The following DSCAM variants were observed in gnomAD, a reference collection of about 807,000 sequenced individuals.
DSCAM encodes the protein DS cell adhesion molecule, also known as cell adhesion molecule DSCAM.
Under a neutral mutation model 217.7 loss-of-function variants are expected in DSCAM, and 47 were observed. That is an observed-to-expected ratio of 0.22 (90% CI 0.17 to 0.28). The LOEUF (loss-of-function observed/expected upper bound fraction) is 0.28, where lower values mean the gene tolerates loss of function less well. DSCAM is among the 10% of genes least tolerant of loss of function. The pLI, the probability that DSCAM is intolerant of heterozygous loss-of-function variation, is 1.00. For synonymous variants in DSCAM, 1,056 were observed against 1,015.3 expected (o/e 1.04, Z -0.76); for missense variants, 2,080 against 2,618.3 (o/e 0.79, Z 4.49).
At chr21:40,050,221 A>G (rs1274383762) in intron 30 of DSCAM, among the ~76,000 whole-genome samples, 1 of 152,198 alleles carries the variant, frequency 6.6e-6, no homozygotes, top group Non-Finnish European at 1.5e-5. Flanking sequence ...ATTCTGATGC[A>G]TGTAAAGGTG....
In DSCAM at chr21:40,805,584, C is replaced by A. The variant is rs529458603; in HGVS notation, c.43+41035G>T. 3.9e-5 allele frequency among the ~76,000 whole-genome samples: 6 copies of A among 152,354 alleles called. No homozygotes were observed. In the South Asian group the frequency reaches 1.2e-3, roughly 32 times the overall value. ...GGAATTACGCCATGACCCCTTGACC[C>A]CTCCAGGCCTAAGGATGGTGGCAAG... On this transcript the variant is annotated intron_variant, in intron 1 of 32. Transcript: ENST00000400454.
chr21:40,696,851 TA>T (rs1363907875), intron 2 of DSCAM, among the ~76,000 whole-genome samples: 1 of 152,192 alleles, frequency 6.6e-6, no homozygotes, highest in Non-Finnish European at 1.5e-5. Context: ...ATAAAATGTA[TA>T]ATCATAAAAT....
chr21:40,279,244 C>A (rs1250206493), intron 10 of DSCAM, among the ~76,000 whole-genome samples: 1 of 152,210 alleles, frequency 6.6e-6, no homozygotes, highest in African/African-American at 2.4e-5. Context: ...ATCCCTAAAT[C>A]TGCTCCCTCC....
chr21:40,637,632 A>ATCT (rs1555875012), intron 3 of DSCAM, among the ~76,000 whole-genome samples: 1,409 of 42,196 alleles, frequency 0.033, 60 homozygotes, highest in Middle Eastern at 0.059. Flanking sequence ...TACATATATA[A>ATCT]ATATATATAA....
chr21:40,533,587 A>G (rs1283403863), intron 3 of DSCAM, among the ~76,000 whole-genome samples: 1 of 141,644 alleles, frequency 7.1e-6, no homozygotes, highest in Non-Finnish European at 1.5e-5. Flanking sequence ...CCATCCAACC[A>G]TCCATCCACC....
At chr21:40,123,967 T>C (rs1230186078) in intron 20 of DSCAM, among the ~76,000 whole-genome samples, 1 of 152,090 alleles carries the variant, frequency 6.6e-6, no homozygotes, top group Non-Finnish European at 1.5e-5. Context: ...ACTCACCAAA[T>C]AAACAATAAT....
chr21:40,351,947 T>C (rs745615300), intron 5 of DSCAM, among the ~76,000 whole-genome samples: 12 of 152,126 alleles, frequency 7.9e-5, no homozygotes, highest in Admixed American at 1.3e-4. Context: ...ACATAAGTAA[T>C]GTGACTTGCA....
At chr21:40,707,706 A>G (rs1185221850) in intron 2 of DSCAM, among the ~76,000 whole-genome samples, 1 of 152,246 alleles carries the variant, frequency 6.6e-6, no homozygotes, top group African/African-American at 2.4e-5. Context: ...ACTTAAAAAA[A>G]TTAAAATGCT....
intron 3 of DSCAM, among the ~76,000 whole-genome samples, chr21:40,388,710 A>T (rs557448248): frequency 6.6e-6 from 1 of 152,304 alleles, no homozygotes; most frequent in East Asian, 1.9e-4. Context: ...AGCACTGCAA[A>T]CTTCACATTC....
intron 1 of DSCAM, among the ~76,000 whole-genome samples, chr21:40,733,593 C>A (rs942397351): frequency 6.6e-6 from 1 of 152,182 alleles, no homozygotes; most frequent in Non-Finnish European, 1.5e-5. Flanking sequence ...AGAAACCTTG[C>A]CTCTGAGCAT....
intron 2 of DSCAM, among the ~76,000 whole-genome samples, chr21:40,705,554 A>G (rs1015057461): frequency 6.6e-6 from 1 of 152,182 alleles, no homozygotes; most frequent in Non-Finnish European, 1.5e-5. Context: ...CAATCATGGC[A>G]TAAGGCACCT....
chr21:40,514,564 C>T (rs904634072), intron 3 of DSCAM, among the ~76,000 whole-genome samples: 4 of 152,156 alleles, frequency 2.6e-5, no homozygotes, highest in African/African-American at 9.7e-5. Context: ...AGACTATTCA[C>T]GTTGCACCAG....
intron 3 of DSCAM, among the ~76,000 whole-genome samples, chr21:40,541,732 GTAA>G (rs2076544341): frequency 6.6e-6 from 1 of 152,188 alleles, no homozygotes; most frequent in Admixed American, 6.5e-5. Flanking sequence ...CTTTAATAAA[GTAA>G]TAATATTATA....
chr21:40,483,157 A>G (rs1003008937), intron 3 of DSCAM, among the ~76,000 whole-genome samples: 3 of 152,246 alleles, frequency 2.0e-5, no homozygotes, highest in Admixed American at 6.5e-5. Context: ...ATTTAATGGG[A>G]AAAGTAAACA....
chr21:40,690,958 G>T (rs551559276), intron 3 of DSCAM, among the ~76,000 whole-genome samples: 3 of 152,138 alleles, frequency 2.0e-5, no homozygotes, highest in African/African-American at 7.2e-5. Context: ...GAAGGAAGAG[G>T]ATCAGGAAAA....
intron 3 of DSCAM, among the ~76,000 whole-genome samples, chr21:40,537,786 C>T (rs1057115835): frequency 1.3e-5 from 2 of 152,170 alleles, no homozygotes; most frequent in Admixed American, 1.3e-4. Flanking sequence ...AGGGAACCAG[C>T]CCTGCTGACT....
intron 3 of DSCAM, among the ~76,000 whole-genome samples, chr21:40,590,815 A>C (rs2146242425): frequency 6.6e-6 from 1 of 152,274 alleles, no homozygotes; most frequent in African/African-American, 2.4e-5. Flanking sequence ...TGTCTAAACC[A>C]TCTGGTTATC....
At chr21:40,104,918 C>T (rs190362782) in intron 20 of DSCAM, among the ~76,000 whole-genome samples, 26 of 152,220 alleles carry the variant, frequency 1.7e-4, no homozygotes, top group East Asian at 5.8e-4. Context: ...GAAAGCTCTA[C>T]GCAGCAATGG....
chr21:40,665,240 A>T (rs2090187203), intron 3 of DSCAM, among the ~76,000 whole-genome samples: 1 of 152,206 alleles, frequency 6.6e-6, no homozygotes, highest in African/African-American at 2.4e-5. Flanking sequence ...GAGTAGTCAA[A>T]AGCAGCCTTC....
Sources: allele counts gnomAD v4.1 joint callset (sites outside exome capture counted in the v4.1 genomes callset), GRCh38; gene constraint gnomAD v4.1.1; transcripts MANE v1.5; gene names NCBI Gene and HGNC (gene_info 2026-07-23, HGNC 2026-07-21).